The following FRY variants were observed in gnomAD, a reference collection of about 807,000 sequenced individuals.
FRY encodes the protein FRY microtubule binding protein, also known as protein furry homolog.
FRY carries 128 observed loss-of-function variants against 348.4 expected under a neutral mutation model. The ratio of observed to expected loss-of-function variants is 0.37; its 90% CI spans 0.32 to 0.43. The LOEUF (loss-of-function observed/expected upper bound fraction) is 0.43, where lower values mean the gene tolerates loss of function less well. Among genes scored for constraint, FRY ranks in the 20% least tolerant of loss-of-function variants. The pLI, the probability that FRY is intolerant of heterozygous loss-of-function variation, is 1.00. For missense variants in FRY, 2,736 were observed against 3,695.2 expected, an observed-to-expected ratio of 0.74 and a Z score of 6.73; for synonymous variants, 1,370 against 1,374.7, an observed-to-expected ratio of 1.00 and a Z score of 0.08.
chr13:32,096,528 C>T (rs1205468446), intron 2 of FRY, among the ~76,000 whole-genome samples: 5 of 152,096 alleles, frequency 3.3e-5, no homozygotes, highest in African/African-American at 9.7e-5. Flanking sequence ...TGCAGTGGCA[C>T]GCCTGTAATC....
At chr13:32,179,936 C>CAACCAAGACGATGTA in intron 23 of FRY, 137 bp downstream of exon 23, 1 of 830,928 alleles carries the variant, frequency 1.2e-6, no homozygotes, top group Non-Finnish European at 2.0e-6. Context: ...CCCACTACAT[C>CAACCAAGACGATGTA]GTCTTGGTTG....
Position 32,247,494 on chromosome 13 carries a change from A to G in FRY, c.7000A>G (p.Ile2334Val). 5 of 1,611,044 alleles carry G rather than the reference A, an allele frequency of 3.1e-6. No homozygotes were observed. Among genetic ancestry groups the G allele is most frequent in the Non-Finnish European group, 4.2e-6 (5 of 1,177,136 alleles). ...PGKTLDFHFDISETPIIGRRY... is the reference protein window; with the variant it reads ...PGKTLDFHFDVSETPIIGRRY... ...GAAAACCCTGGACTTCCACTTCGAT[A>G]TTTCGGAGGTACTTAGCTATGTTAA... Residue 2334 changes from isoleucine (I) to valine (V), a missense_variant, in exon 48 of 61, where the codon ATT (isoleucine) becomes GTT (valine). Transcript: ENST00000542859.
chr13:32,221,862 T>G (rs1451780871), intron 36 of FRY, among the ~76,000 whole-genome samples: 1 of 152,190 alleles, frequency 6.6e-6, no homozygotes, highest in Non-Finnish European at 1.5e-5. Context: ...TCAACAAATA[T>G]TTATTGATGC....
At chr13:32,209,869 C>A in intron 33 of FRY, 138 bp downstream of exon 33, 1 of 865,162 alleles carries the variant, frequency 1.2e-6, no homozygotes, top group Non-Finnish European at 1.9e-6. Context: ...TGAGCTCATC[C>A]AGATATTACA....
chr13:32,224,944 C>T lies in FRY; in HGVS notation c.4928C>T (p.Ala1643Val), dbSNP rs372599052. 1.3e-5 allele frequency: 21 copies of T among 1,597,210 alleles called. No homozygotes were observed. Among genetic ancestry groups the T allele is most frequent in the Middle Eastern group, 1.7e-4 (1 of 6,058 alleles). The change falls in exon 38 of 61, where the codon GCT becomes GTT. Residue 1643 changes from alanine (A) to valine (V), a missense_variant. By Grantham distance (64) the Ala-to-Val change is moderately conservative (BLOSUM62 0). Around this residue, in one of 9 missense-constraint regions of FRY, gnomAD observed 794 missense variants for 977.0 expected, o/e 0.81. Transcript: ENST00000542859. ...PRGPLHRCNIAVIFMTEMVVD... is the reference protein window; with the variant it reads ...PRGPLHRCNIVVIFMTEMVVD... ...ATTTCATTGATTAGGTGCAATATTG[C>T]TGTAATTTTTATGACTGAAATGGTG...
intron 23 of FRY, among the ~76,000 whole-genome samples, chr13:32,181,575 CAAA>C (rs35272711): frequency 6.8e-5 from 4 of 59,032 alleles, no homozygotes; most frequent in Middle Eastern, 8.6e-3. Context: ...ACTCCGTCAC[CAAA>C]AAAAAAAAAA....
At chr13:32,207,882 A>G (rs911200927) in intron 31 of FRY, among the ~76,000 whole-genome samples, 1 of 152,144 alleles carries the variant, frequency 6.6e-6, no homozygotes, top group Non-Finnish European at 1.5e-5. Flanking sequence ...GGATCATAAC[A>G]CCTGTATGAG....
chr13:32,215,860 G>C lies in FRY; in HGVS notation c.4683-2889G>C, dbSNP rs139190028. On this transcript the variant is annotated intron_variant, in intron 35 of 60. Transcript: ENST00000542859. Reference sequence around the variant, plus strand: ...GCTGGGATTACAGGTATGAGTGACTGCATCCAGCCATAAGTATTTTCAATA... The same window carrying C: ...GCTGGGATTACAGGTATGAGTGACTCCATCCAGCCATAAGTATTTTCAATA... Among the ~76,000 whole-genome samples the C allele has an allele frequency of 1.5e-3, 226 of 152,276 alleles. 1 individual carries two copies. The highest frequency in any genetic ancestry group is 5.2e-3 in the African/African-American group (217 of 41,536).
In FRY at chr13:32,296,314, C is replaced by T. The variant is rs1031614384; in HGVS notation, c.*854C>T. The T allele has an allele frequency of 2.0e-5, 3 of 152,588 alleles. No homozygotes were observed. Among genetic ancestry groups the T allele is most frequent in the Non-Finnish European group, 2.9e-5 (2 of 68,036 alleles). 9.5% of individuals were successfully genotyped at this position (152,588 alleles called of 1,614,324 possible). On this transcript the variant is annotated 3_prime_UTR_variant, in exon 61 of 61. Transcript: ENST00000542859. ...ATAAATTCCAAGTCTTTTCACCTGT[C>T]AGGCATGCATATTTTAATATCTGTT...
chr13:32,231,466 A>G (rs1309076823), intron 41 of FRY, among the ~76,000 whole-genome samples, 166 bp downstream of exon 41: 11 of 152,222 alleles, frequency 7.2e-5, no homozygotes, highest in African/African-American at 2.7e-4. Flanking sequence ...GCCTAACTGC[A>G]TGGTATTTAA....
intron 51 of FRY, 78 bp downstream of exon 51, chr13:32,254,472 T>TG: frequency 7.8e-7 from 1 of 1,281,160 alleles, no homozygotes; most frequent in South Asian, 1.2e-5. Context: ...ACCTGCTAAA[T>TG]AATGAGTTTT....
intron 2 of FRY, chr13:32,085,917 G>C: frequency 1.9e-6 from 1 of 518,938 alleles, no homozygotes; most frequent in Non-Finnish European, 3.8e-6. Flanking sequence ...CTCATGCTTT[G>C]GGAGATGACA....
intron 55 of FRY, among the ~76,000 whole-genome samples, chr13:32,274,497 G>GGAA (rs368985156): frequency 8.6e-5 from 13 of 151,802 alleles, no homozygotes; most frequent in Admixed American, 5.9e-4. Flanking sequence ...CACAAGGTCA[G>GGAA]ATCGAGACCA....
chr13:32,055,565 C>T, intron 1 of FRY, among the ~76,000 whole-genome samples: 1 of 152,116 alleles, frequency 6.6e-6, no homozygotes, highest in Non-Finnish European at 1.5e-5. Flanking sequence ...TGAGTCTGTA[C>T]ATTTTATAAA....
chr13:32,039,823 T>A (rs1413434773), intron 1 of FRY, among the ~76,000 whole-genome samples: 2 of 152,262 alleles, frequency 1.3e-5, no homozygotes, highest in Non-Finnish European at 2.9e-5. Flanking sequence ...TGTTGTCATG[T>A]CAATTTAAGA....
intron 17 of FRY, among the ~76,000 whole-genome samples, chr13:32,167,706 TA>T (rs1341243387): frequency 6.6e-6 from 1 of 152,256 alleles, no homozygotes; most frequent in East Asian, 1.9e-4. Flanking sequence ...TCCTGGTTAC[TA>T]AACTATTACC....
chr13:32,051,346 G>C (rs569277778), intron 1 of FRY, among the ~76,000 whole-genome samples: 1 of 152,292 alleles, frequency 6.6e-6, no homozygotes, highest in East Asian at 1.9e-4. Flanking sequence ...GCAGAGGAAG[G>C]GAGTGGTGAG....
intron 1 of FRY, among the ~76,000 whole-genome samples, chr13:32,059,639 C>A (rs925348884): frequency 5.3e-5 from 8 of 150,620 alleles, no homozygotes; most frequent in Non-Finnish European, 1.0e-4. Context: ...ACCCATCCCC[C>A]AAATAGTGTA....
chr13:32,281,818 G>A (rs1202138150), intron 58 of FRY, among the ~76,000 whole-genome samples: 1 of 152,202 alleles, frequency 6.6e-6, no homozygotes, highest in African/African-American at 2.4e-5. Context: ...ATTTGTTTAA[G>A]TCGTCTGGAT....
Sources: gnomAD v4.1 joint callset for allele counts (sites outside exome capture counted in the v4.1 genomes callset) on GRCh38, gnomAD v4.1.1 for gene constraint, gnomAD v4.1.1 regional missense constraint, MANE v1.5 for transcripts, NCBI Gene and HGNC (gene_info 2026-07-23, HGNC 2026-07-21) for gene names.